Variants in RNF123 observed in about 807,000 individuals in gnomAD.
RNF123 encodes the protein E3 ubiquitin-protein ligase RNF123.
A neutral mutation model predicts 168.5 loss-of-function variants in RNF123; 86 were observed. That is an observed-to-expected ratio of 0.51 (90% CI 0.43 to 0.61). RNF123 has a LOEUF of 0.61. Ranked by LOEUF, RNF123 falls within the 20% of genes least tolerant of loss-of-function variation. The probability of loss-of-function intolerance (pLI) is 0.00; values close to 1 mark genes in which losing one functional copy is unlikely to be tolerated. For missense variants in RNF123, 1,419 were observed against 1,729.7 expected, an observed-to-expected ratio of 0.82 and a Z score of 3.19; for synonymous variants, 666 against 689.1, an observed-to-expected ratio of 0.97 and a Z score of 0.52.
At chr3:49,708,191 T>C (rs2080070008) in intron 26 of RNF123, among the ~76,000 whole-genome samples, 1 of 152,208 alleles carries the variant, frequency 6.6e-6, no homozygotes, top group African/African-American at 2.4e-5. Flanking sequence ...CTCAAACTCC[T>C]GGCCTCATGT....
chr3:49,714,305 C>A (rs960867930), intron 31 of RNF123, 131 bp downstream of exon 31: 2 of 790,022 alleles, frequency 2.5e-6, no homozygotes, highest in South Asian at 1.6e-5. Context: ...AGACTCCCTA[C>A]GTGTCCCCTG....
intron 24 of RNF123, 31 bp from the exon 25 acceptor site, chr3:49,705,951 C>T: frequency 1.2e-6 from 2 of 1,604,884 alleles, no homozygotes; most frequent in African/African-American, 1.3e-5. Context: ...GCCCAAGGGG[C>T]ACTCTGGACA....
chr3:49,719,185 TGGTCTA>T, intron 35 of RNF123: 1 of 1,613,424 alleles, frequency 6.2e-7, no homozygotes, highest in Non-Finnish European at 8.5e-7. Flanking sequence ...TAGTTCGTTG[TGGTCTA>T]GGTGCAGGGC....
intron 35 of RNF123, chr3:49,718,413 C>G: frequency 1.2e-6 from 2 of 1,613,040 alleles, no homozygotes; most frequent in South Asian, 1.1e-5. Flanking sequence ...TGGCCAGGCA[C>G]ACGAAGAGTC....
At chr3:49,716,513 G>T in intron 35 of RNF123, 36 bp downstream of exon 35, 1 of 1,579,982 alleles carries the variant, frequency 6.3e-7, no homozygotes, top group Non-Finnish European at 8.7e-7. Context: ...TGTGGGAGTT[G>T]GGTGTGTCTG....
Position 49,700,476 on chromosome 3 carries a change from A to G in RNF123, c.1115A>G (p.Tyr372Cys). The stretch of plus-strand genomic sequence containing the variant: ...CCTTGGCATCTCTTCCCCCAGGACT[A>G]CGAGGTACAAGATTGCCTCAAGCAG... Reference protein sequence around the residue: ...LDLLWLFMEDYEVQDCLKQLM... With the variant: ...LDLLWLFMEDCEVQDCLKQLM... Residue 372 changes from tyrosine to cysteine, a missense_variant, in exon 14 of 39, where the codon TAC (tyrosine) becomes TGC (cysteine). Transcript: ENST00000327697. 6.2e-7 allele frequency: 1 copy of G among 1,614,092 alleles called. No individual in the cohort carries two copies. Among genetic ancestry groups the G allele is most frequent in the Non-Finnish European group, 8.5e-7 (1 of 1,179,940 alleles).
At chr3:49,695,365 G>C (rs946041786) in intron 3 of RNF123, among the ~76,000 whole-genome samples, 1 of 152,150 alleles carries the variant, frequency 6.6e-6, no homozygotes, top group Non-Finnish European at 1.5e-5. Flanking sequence ...CTCCCAAAGT[G>C]CTGAGACTAC....
At chr3:49,706,113 G>C in intron 25 of RNF123, 48 bp downstream of exon 25, 1 of 1,530,874 alleles carries the variant, frequency 6.5e-7, no homozygotes, top group Non-Finnish European at 9.1e-7. Flanking sequence ...TACTCGTACA[G>C]GTAACCACAG....
At position 49,716,187 on chromosome 3, in the gene RNF123, T is replaced by A; in HGVS notation, c.3415+10T>A. On this transcript the variant is annotated intron_variant, in intron 34 of 38. Transcript: ENST00000327697. ...ACCCTACGGCTGCCTGGTGAGGACC[T>A]AGATGCCCTGCACCCCAACACACTA... 1 of 1,613,240 alleles carries A rather than the reference T, an allele frequency of 6.2e-7. No individual in the cohort carries two copies. The highest frequency in any genetic ancestry group is 8.5e-7 in the Non-Finnish European group (1 of 1,179,618).
At position 49,700,544 on chromosome 3, in the gene RNF123, G is replaced by A. The variant is rs750029064; in HGVS notation, c.1183G>A (p.Val395Ile). 1.4e-5 allele frequency: 23 copies of A among 1,614,060 alleles called. No individual in the cohort carries two copies. In the African/African-American group the frequency reaches 1.6e-4, roughly 11 times the overall value. The change falls in exon 14 of 39, where the codon GTC (valine) becomes ATC (isoleucine). Residue 395 changes from valine (V) to isoleucine (I), a missense_variant. Val to Ile is a conservative substitution (Grantham distance 29). Coordinates refer to ENST00000327697, the MANE Select transcript of RNF123 (RefSeq NM_022064.5). Reference sequence around the variant, plus strand: ...TCGGCTGTACCGATTCTCACCCATTGTCCCAGACCTGGGCCTACAGGTGGG... The same window carrying A: ...TCGGCTGTACCGATTCTCACCCATTATCCCAGACCTGGGCCTACAGGTGGG... ...LLRLYRFSPI[V>I]PDLGLQIHYL...
chr3:49,702,273 C>G (rs2108185571), intron 18 of RNF123, 61 bp from the exon 19 acceptor site: 1 of 1,599,512 alleles, frequency 6.3e-7, no homozygotes, highest in African/African-American at 1.3e-5. Context: ...CAGCACTGAG[C>G]CAGCCCAGTC....
chr3:49,719,631 G>A (rs1449334088), intron 35 of RNF123: 2 of 622,154 alleles, frequency 3.2e-6, no homozygotes, highest in Non-Finnish European at 5.7e-6. Context: ...TTCCCAGGTT[G>A]TGAGGCGGTG....
rs761625605 is a variant in RNF123, at chr3:49,700,687, A to G, written c.1255A>G (p.Lys419Glu). 2 of 1,614,156 alleles carry G rather than the reference A, an allele frequency of 1.2e-6. No homozygotes were observed. Among genetic ancestry groups the G allele is most frequent in the Non-Finnish European group, 1.7e-6 (2 of 1,180,042 alleles). The change falls in exon 15 of 39, where the codon AAG becomes GAG. Residue 419 changes from lysine to glutamate, a missense_variant. Transcript: ENST00000327697. ...CATCCTGAGGCATGAGAAGTCCCGC[A>G]AGTTTCTGCTTAGCAATGTCCTGTA... is the stretch of plus-strand genomic sequence containing the variant. ...IAILRHEKSR[K>E]FLLSNVLFDV...
Position 49,699,599 on chromosome 3 carries a change from G to T in RNF123, c.879+17G>T. The T allele has an allele frequency of 1.2e-6, 2 of 1,612,750 alleles. No individual in the cohort carries two copies. The highest frequency in any genetic ancestry group is 1.7e-6 in the Non-Finnish European group (2 of 1,179,414). Reference sequence around the variant, plus strand: ...GACCCTGTGGTGAGCTGGGGTCTGGGCCAGGCGGGGTGGGGGGCTTCCACA... The same window carrying T: ...GACCCTGTGGTGAGCTGGGGTCTGGTCCAGGCGGGGTGGGGGGCTTCCACA... On this transcript the variant is annotated intron_variant, in intron 11 of 38. Coordinates refer to ENST00000327697, the MANE Select transcript of RNF123 (RefSeq NM_022064.5). This position sits in a 1 kb window ranked among gnomAD's most constrained non-coding sequence, Gnocchi z 4.8.
At chr3:49,701,662 G>A in intron 16 of RNF123, 54 bp downstream of exon 16, 1 of 1,519,174 alleles carries the variant, frequency 6.6e-7, no homozygotes, top group Non-Finnish European at 9.1e-7. Context: ...CCCTGGCCTG[G>A]GCATCTGGCC....
At chr3:49,719,653 G>A in intron 35 of RNF123, 1 of 582,596 alleles carries the variant, frequency 1.7e-6, no homozygotes, top group Non-Finnish European at 3.1e-6. Context: ...GGCACTCTTA[G>A]CCGCGCTCCC....
chr3:49,698,332 C>A, intron 7 of RNF123, 108 bp from the exon 8 acceptor site: 8 of 1,028,610 alleles, frequency 7.8e-6, no homozygotes, highest in South Asian at 1.4e-5. Context: ...TCCCTCAGAT[C>A]ATCTGTTCCC....
chr3:49,702,244 CAG>C lies in RNF123; in HGVS notation c.1558-89_1558-88del, dbSNP rs569719949. On this transcript the variant is annotated intron_variant, in intron 18 of 38. Transcript: ENST00000327697. The stretch of plus-strand genomic sequence containing the variant: ...TGGGAACTGGGTTTGGTTCCCATGG[CAG>C]GGGCTGGGGGAAGGTGCAGCACTGA... The C allele has an allele frequency of 3.3e-5, 52 of 1,587,840 alleles. 2 individuals carry two copies. In the African/African-American group the frequency reaches 7.0e-4, roughly 21 times the overall value.
Position 49,713,832 on chromosome 3 carries a change from G to A in RNF123, c.2837+7G>A. On this transcript the variant is annotated splice_region_variant and intron_variant, in intron 29 of 38. Transcript: ENST00000327697. ...AGCGAATCCCCGAGGAGCAGTGAGT[G>A]GGGCCTGGGGGGCACACACCCTGGC... is the stretch of plus-strand genomic sequence containing the variant. 6.2e-7 allele frequency: 1 copy of A among 1,613,146 alleles called. No homozygotes were observed.
Sources: gnomAD v4.1 joint callset for allele counts (sites outside exome capture counted in the v4.1 genomes callset) on GRCh38, gnomAD v4.1.1 for gene constraint, Gnocchi (gnomAD v3.1) non-coding constraint, MANE v1.5 for transcripts, NCBI Gene and HGNC (gene_info 2026-07-23, HGNC 2026-07-21) for gene names.